The following CDCA7L variants were observed in gnomAD, a reference collection of about 807,000 sequenced individuals.
CDCA7L encodes cell division cycle associated 7 like.
A neutral mutation model predicts 57.4 loss-of-function variants in CDCA7L; 44 were observed. The ratio of observed to expected loss-of-function variants is 0.77; its 90% CI spans 0.60 to 0.98. CDCA7L has a LOEUF of 0.98. Among genes scored for constraint, CDCA7L ranks in the 50% least tolerant of loss-of-function variants. The pLI, the probability that CDCA7L is intolerant of heterozygous loss-of-function variation, is 0.00. For synonymous variants in CDCA7L, 236 were observed against 202.8 expected (o/e 1.16, Z -1.39); for missense variants, 644 against 580.6 (o/e 1.11, Z -1.12).
At chr7:21,919,318 G>C (rs760093918) in intron 1 of CDCA7L, among the ~76,000 whole-genome samples, 2 of 151,886 alleles carry the variant, frequency 1.3e-5, no homozygotes, top group Non-Finnish European at 2.9e-5. Context: ...TCCCAAATTT[G>C]GCCATTGGGA....
chr7:21,902,426 A>ACAAT (rs1185551382), intron 9 of CDCA7L, 74 bp from the exon 10 acceptor site: 24 of 1,404,352 alleles, frequency 1.7e-5, no homozygotes, highest in Admixed American at 3.4e-5. Context: ...GAGAGATTCC[A>ACAAT]CAATCATCTA....
At chr7:21,926,907 T>C (rs12539984) in intron 1 of CDCA7L, among the ~76,000 whole-genome samples, 32,365 of 151,764 alleles carry the variant, frequency 0.21, 4,180 homozygotes, top group East Asian at 0.55. Flanking sequence ...AATAAAGACA[T>C]TGAATAGAAG....
At chr7:21,915,658 A>AAAAAAAAAAAAC (rs1554296504) in intron 2 of CDCA7L, among the ~76,000 whole-genome samples, 1 of 73,484 alleles carries the variant, frequency 1.4e-5, no homozygotes, top group Admixed American at 1.9e-4. Flanking sequence ...AAAAAAAAAA[A>AAAAAAAAAAAAC]ACACACACAC....
At chr7:21,908,966 C>T (rs1023626991) in intron 3 of CDCA7L, among the ~76,000 whole-genome samples, 6 of 152,162 alleles carry the variant, frequency 3.9e-5, no homozygotes, top group East Asian at 3.8e-4. Flanking sequence ...AATAACAGGG[C>T]GGGAGAGCTG....
At chr7:21,912,578 G>A (rs1037211672) in intron 2 of CDCA7L, among the ~76,000 whole-genome samples, 3 of 152,148 alleles carry the variant, frequency 2.0e-5, no homozygotes, top group Non-Finnish European at 4.4e-5. Context: ...TTTCAAAGCC[G>A]GAGTCTCCTC....
intron 1 of CDCA7L, among the ~76,000 whole-genome samples, chr7:21,943,371 T>G (rs533371809): frequency 2.0e-5 from 3 of 152,374 alleles, no homozygotes; most frequent in Admixed American, 2.0e-4. Flanking sequence ...AACACTTAGC[T>G]CTGCGCTTTC....
rs1308309180 is a variant in CDCA7L at position 21,902,255 on chromosome 7, C to T, written c.*67G>A. On this transcript the variant is annotated 3_prime_UTR_variant, in exon 10 of 10. Transcript: ENST00000406877. ...CAACTGTAAAAAAATCTTTCTTAGG[C>T]ACCAATGGTATGCATGTCTTGTTGG... 1.1e-5 allele frequency: 16 copies of T among 1,402,430 alleles called. No individual in the cohort carries two copies. Among genetic ancestry groups the T allele is most frequent in the Non-Finnish European group, 1.5e-5 (15 of 990,140 alleles). 86.9% of individuals were successfully genotyped at this position (1,402,430 alleles called of 1,614,324 possible). A position where few individuals can be genotyped will look rare whatever the true frequency, so the allele number is the denominator to read the frequency against.
chr7:21,916,474 A>G (rs766869173), intron 2 of CDCA7L, among the ~76,000 whole-genome samples: 93 of 149,014 alleles, frequency 6.2e-4, no homozygotes, highest in Non-Finnish European at 1.0e-3. Context: ...GCCCCAAGGC[A>G]GCCAAGAAAA....
chr7:21,923,845 C>T (rs1785741787), intron 1 of CDCA7L, among the ~76,000 whole-genome samples: 2 of 152,218 alleles, frequency 1.3e-5, no homozygotes, highest in Admixed American at 1.3e-4. Context: ...TAAAAATAAA[C>T]CCTGCTGAGT....
At chr7:21,919,984 A>C (rs1415294529) in intron 1 of CDCA7L, among the ~76,000 whole-genome samples, 2 of 152,206 alleles carry the variant, frequency 1.3e-5, no homozygotes, top group African/African-American at 4.8e-5. Context: ...GATGTCCTTA[A>C]CAGTTGAGAC....
chr7:21,926,964 A>G (rs1042611634), intron 1 of CDCA7L, among the ~76,000 whole-genome samples: 2 of 152,214 alleles, frequency 1.3e-5, no homozygotes, highest in East Asian at 3.8e-4. Context: ...GCAAGACAGT[A>G]TGTTCAGAAA....
chr7:21,940,332 G>A (rs763513095), intron 1 of CDCA7L: 26 of 982,540 alleles, frequency 2.6e-5, no homozygotes, highest in African/African-American at 5.3e-5. Context: ...AGTAGAAAAC[G>A]CTATATAAAT....
rs999832075 is a variant in CDCA7L, at chr7:21,902,304, G to T, written c.*18C>A. 13 of 1,613,318 alleles carry T rather than the reference G, an allele frequency of 8.1e-6. No individual in the cohort carries two copies. The highest frequency in any genetic ancestry group is 1.1e-5 in the Non-Finnish European group (13 of 1,179,410). On this transcript the variant is annotated 3_prime_UTR_variant, in exon 10 of 10. Transcript: ENST00000406877. The stretch of plus-strand genomic sequence containing the variant: ...GGAGTACTCTATGGTGAGGTGGCTG[G>T]TTCTGTTTGTTTTCCTCTTAATTGT...
At chr7:21,924,534 T>C (rs2128064899) in intron 1 of CDCA7L, among the ~76,000 whole-genome samples, 1 of 152,346 alleles carries the variant, frequency 6.6e-6, no homozygotes, top group Admixed American at 6.5e-5. Flanking sequence ...ATCATTTCTT[T>C]GAATTTTTTA....
At chr7:21,903,657 G>A (rs563855156) in intron 8 of CDCA7L, 2 of 164,052 alleles carry the variant, frequency 1.2e-5, no homozygotes, top group Admixed American at 6.0e-5. Flanking sequence ...GGAGCTGAGA[G>A]AGGTTATACA....
At position 21,945,782 on chromosome 7, in the gene CDCA7L, TG is replaced by T; in HGVS notation, c.22del (p.Gln8ArgfsTer43). 6.2e-7 allele frequency: 1 copy of T among 1,600,272 alleles called. No individual in the cohort carries two copies. Among genetic ancestry groups the T allele is most frequent in the Admixed American group, 1.7e-5 (1 of 58,596 alleles). On this transcript the variant is annotated frameshift_variant and splice_region_variant, in exon 1 of 10. Transcript: ENST00000406877. LOFTEE classifies it high-confidence loss of function. ...GGCGGCGGGCGGCCGGACCCTCACC[TG>T]GTAGCGAGTCGCCAACTCCATTCTT... MELATRY[Q>X]IPKEVADIFN...
At chr7:21,937,587 G>A (rs1013783029) in intron 1 of CDCA7L, among the ~76,000 whole-genome samples, 7 of 151,200 alleles carry the variant, frequency 4.6e-5, no homozygotes, top group African/African-American at 7.3e-5. Flanking sequence ...ACAGTGAGCC[G>A]AGATTGCACC....
intron 3 of CDCA7L, among the ~76,000 whole-genome samples, chr7:21,911,406 A>T (rs982709412): frequency 6.6e-6 from 1 of 152,176 alleles, no homozygotes; most frequent in African/African-American, 2.4e-5. Context: ...CACGAGGAGA[A>T]GATGAATGGA....
intron 9 of CDCA7L, 81 bp from the exon 10 acceptor site, chr7:21,902,433 T>TCTAAGAGTACAAAGCCAGAACCC: frequency 7.3e-7 from 1 of 1,363,852 alleles, no homozygotes. Context: ...TCCACAATCA[T>TCTAAGAGTACAAAGCCAGAACCC]CTAAGAGTAC....
Sources: allele counts gnomAD v4.1 joint callset (sites outside exome capture counted in the v4.1 genomes callset), GRCh38; gene constraint gnomAD v4.1.1; transcripts MANE v1.5; gene names NCBI Gene and HGNC (gene_info 2026-07-23, HGNC 2026-07-21).